XPO5: variants seen among roughly 807,000 people sequenced by gnomAD.
XPO5 encodes the protein exportin-5.
XPO5 carries 46 observed loss-of-function variants against 160.6 expected under a neutral mutation model. The ratio of observed to expected loss-of-function variants is 0.29; its 90% CI spans 0.23 to 0.37. The LOEUF (loss-of-function observed/expected upper bound fraction) is 0.37, where lower values mean the gene tolerates loss of function less well. XPO5 is among the 10% of genes least tolerant of loss of function. The pLI is 1.00. For synonymous variants in XPO5, 537 were observed against 519.3 expected, an observed-to-expected ratio of 1.03 and a Z score of -0.46; for missense variants, 1,090 against 1,463.9, an observed-to-expected ratio of 0.74 and a Z score of 4.17.
At chr6:43,566,338 G>A (rs1403655362) in intron 7 of XPO5, among the ~76,000 whole-genome samples, 2 of 152,238 alleles carry the variant, frequency 1.3e-5, no homozygotes, top group Middle Eastern at 3.4e-3. Context: ...AGGTTGCACT[G>A]AGCTGAGATT....
chr6:43,565,610 GA>G, intron 8 of XPO5, 49 bp downstream of exon 8: 2 of 1,404,374 alleles, frequency 1.4e-6, no homozygotes, highest in South Asian at 1.4e-5. Flanking sequence ...AAATAAGATA[GA>G]AAAATGACAA....
In XPO5 at chr6:43,560,243, G is replaced by A. The variant is rs756807811; in HGVS notation, c.1156C>T (p.Arg386Cys). Reference sequence around the variant, plus strand: ...ATTATTGCTAATAGCAAAGGATCACGGGACAGGATTTCATGCCTGAAGAGG... The same window carrying A: ...ATTATTGCTAATAGCAAAGGATCACAGGACAGGATTTCATGCCTGAAGAGG... ...GALFRHEILS[R>C]DPLLLAIIPK... The change falls in exon 11 of 32, where the codon CGT becomes TGT. Residue 386 changes from arginine (R) to cysteine (C), a missense_variant. Arg to Cys is a radical substitution (Grantham distance 180). This residue lies in a region of XPO5 where 810 missense variants were observed against 1,139.0 expected (regional missense o/e 0.71). Coordinates refer to ENST00000265351, the MANE Select transcript of XPO5 (RefSeq NM_020750.3). 5.4e-5 allele frequency: 87 copies of A among 1,612,376 alleles called. No individual in the cohort carries two copies. The highest frequency in any genetic ancestry group is 8.0e-5 in the African/African-American group (6 of 74,906).
At chr6:43,562,211 G>A in intron 9 of XPO5, 36 bp downstream of exon 9, 4 of 1,541,570 alleles carry the variant, frequency 2.6e-6, no homozygotes, top group Non-Finnish European at 3.5e-6. Context: ...TTCCCAAATG[G>A]GCTTGAAGCT....
In XPO5 at chr6:43,547,616, G is replaced by A. The variant is rs1795022699; in HGVS notation, c.2152C>T (p.Arg718Cys). Reference protein sequence around the residue: ...PGLEDPCGLNRARMSFCVYSI... With the variant: ...PGLEDPCGLNCARMSFCVYSI... ...TCCCAGGAAAGTCTTACTCGTGCAC[G>A]GTTTAAGCCACACGGATCCTCCAGG... The change falls in exon 19 of 32, where the codon CGT becomes TGT. Residue 718 changes from arginine to cysteine, a missense_variant. Transcript: ENST00000265351. 8 of 1,613,848 alleles carry A rather than the reference G, an allele frequency of 5.0e-6. No homozygotes were observed. Among genetic ancestry groups the A allele is most frequent in the East Asian group, 2.2e-5 (1 of 44,900 alleles).
chr6:43,541,968 TG>T (rs1373876452), intron 20 of XPO5, among the ~76,000 whole-genome samples: 2 of 151,982 alleles, frequency 1.3e-5, no homozygotes, highest in African/African-American at 4.8e-5. Flanking sequence ...TTAGTAGAGA[TG>T]GGGTTTCACC....
intron 28 of XPO5, chr6:43,525,472 A>G (rs1007202504): frequency 9.7e-6 from 5 of 514,922 alleles, no homozygotes; most frequent in Middle Eastern, 5.1e-4. Flanking sequence ...AAGCAGGAAA[A>G]ATAAAAGGAG....
chr6:43,548,748 CTA>C (rs1318463632), intron 17 of XPO5, among the ~76,000 whole-genome samples: 5 of 149,886 alleles, frequency 3.3e-5, no homozygotes, highest in East Asian at 1.9e-4. Flanking sequence ...ATATGTATAT[CTA>C]TATATATATG....
intron 9 of XPO5, chr6:43,561,334 C>T (rs1762404090): frequency 8.0e-6 from 2 of 250,332 alleles, no homozygotes; most frequent in Admixed American, 5.0e-5. Context: ...TACCTATTCA[C>T]ATCTCTGTGT....
At chr6:43,554,857 T>G (rs539217027) in intron 13 of XPO5, 1 of 151,932 alleles carries the variant, frequency 6.6e-6, no homozygotes, top group African/African-American at 2.4e-5. Context: ...CAATTGTAAA[T>G]AAAGCTGAAT....
intron 23 of XPO5, 25 bp downstream of exon 23, chr6:43,530,663 T>G: frequency 6.2e-7 from 1 of 1,609,268 alleles, no homozygotes; most frequent in Non-Finnish European, 8.5e-7. Context: ...CCTTTTGGGT[T>G]ATGTAGAGAC....
In XPO5 at chr6:43,573,555, C is replaced by A. The variant is rs774373701; in HGVS notation, c.152G>T (p.Gly51Val). 2 of 1,613,784 alleles carry A rather than the reference C, an allele frequency of 1.2e-6. No homozygotes were observed. The highest frequency in any genetic ancestry group is 1.1e-5 in the South Asian group (1 of 91,070). ...KEKCPICVPC[G>V]LRLAEKTQVA... Reference sequence around the variant, plus strand: ...TTGTGTTTTCTCAGCCAACCTCAAGCCACAGGGGACACAGATAGGACACTT... The same window carrying A: ...TTGTGTTTTCTCAGCCAACCTCAAGACACAGGGGACACAGATAGGACACTT... Residue 51 changes from glycine to valine, a missense_variant, in exon 2 of 32, where the codon GGC (glycine) becomes GTC (valine). Physicochemically the swap from Gly to Val is moderately radical, Grantham distance 109. Coordinates refer to ENST00000265351, the MANE Select transcript of XPO5 (RefSeq NM_020750.3).
chr6:43,534,115 A>G, intron 20 of XPO5, 108 bp from the exon 21 acceptor site: 1 of 754,522 alleles, frequency 1.3e-6, no homozygotes. Context: ...TCTGCCCATC[A>G]ACTCCTGGCA....
chr6:43,572,508 T>G lies in XPO5; in HGVS notation c.298A>C (p.Asn100His). The G allele has an allele frequency of 3.1e-6, 5 of 1,613,956 alleles. No homozygotes were observed. Among genetic ancestry groups the G allele is most frequent in the Non-Finnish European group, 4.2e-6 (5 of 1,179,892 alleles). The part of the protein sequence containing the change: ...LKNSVMELIA[N>H]GTLNILEEEN... ...TCTCCCAACCACCCATTCCTTACAT[T>G]TGCAATCAGCTCCATGACACTGTTC... is the stretch of plus-strand genomic sequence containing the variant. Residue 100 changes from asparagine to histidine, a missense_variant and splice_region_variant, in exon 3 of 32, where the codon AAT (asparagine) becomes CAT (histidine). By Grantham distance (68) the Asn-to-His change is moderately conservative. Around this residue, in one of 3 missense-constraint regions of XPO5, gnomAD observed 170 missense variants for 227.0 expected, o/e 0.75. Transcript: ENST00000265351.
intron 9 of XPO5, 82 bp from the exon 10 acceptor site, chr6:43,561,089 A>G (rs1191010766): frequency 1.2e-5 from 14 of 1,144,480 alleles, no homozygotes; most frequent in Non-Finnish European, 1.7e-5. Flanking sequence ...AAAAACAGAT[A>G]AATTAAACCC....
Position 43,531,797 on chromosome 6 carries a change from C to CT in XPO5, c.2444-223dup, listed in dbSNP as rs112626043. Among the ~76,000 whole-genome samples, 845 of 150,018 alleles carry CT rather than the reference C, an allele frequency of 5.6e-3. 7 individuals carry two copies. The highest frequency in any genetic ancestry group is 0.034 in the East Asian group (172 of 5,112). ...TTAGACCCGGGTACTCTTTTATCTG[C>CT]TTTTTTTTTTCCCCCAGATGGAACC... On this transcript the variant is annotated intron_variant, in intron 21 of 31. Coordinates refer to ENST00000265351, the MANE Select transcript of XPO5 (RefSeq NM_020750.3).
At chr6:43,554,978 G>A (rs1463928644) in intron 13 of XPO5, 3 of 126,206 alleles carry the variant, frequency 2.4e-5, no homozygotes, top group East Asian at 2.2e-4. Context: ...TTTTGCTCTC[G>A]TTGCCCAGGC....
At position 43,525,142 on chromosome 6, in the gene XPO5, T is replaced by C; in HGVS notation, c.3139A>G (p.Thr1047Ala). The C allele has an allele frequency of 6.3e-7, 1 of 1,582,056 alleles. No homozygotes were observed. Among genetic ancestry groups the C allele is most frequent in the East Asian group, 2.3e-5 (1 of 43,552 alleles). ...AGAGGCCAGCAGAGCTGTGAGGTTG[T>C]CCTCTGGCAGGACAGAGTATCTTTC... Reference protein sequence around the residue: ...AWKDTLSCQRTTSQLCWPLLK... With the variant: ...AWKDTLSCQRATSQLCWPLLK... The change falls in exon 29 of 32, where the codon ACA becomes GCA. Residue 1047 changes from threonine (T) to alanine (A), a missense_variant. Physicochemically the swap from Thr to Ala is moderately conservative, Grantham distance 58 (BLOSUM62 0). Around this residue, in one of 3 missense-constraint regions of XPO5, gnomAD observed 810 missense variants for 1,139.0 expected, o/e 0.71. Coordinates refer to ENST00000265351, the MANE Select transcript of XPO5 (RefSeq NM_020750.3).
chr6:43,556,145 A>G, intron 12 of XPO5, 181 bp from the exon 13 acceptor site: 1 of 747,532 alleles, frequency 1.3e-6, no homozygotes, highest in Non-Finnish European at 2.0e-6. Context: ...AAGTTTTTGA[A>G]AATAAATGAT....
At chr6:43,535,000 AACCCCC>A (rs1794227222) in intron 20 of XPO5, among the ~76,000 whole-genome samples, 1 of 150,940 alleles carries the variant, frequency 6.6e-6, no homozygotes, top group African/African-American at 2.5e-5. Context: ...ATCTCAAAAA[AACCCCC>A]CAAAGGCCAG....
Sources: allele counts gnomAD v4.1 joint callset (sites outside exome capture counted in the v4.1 genomes callset), GRCh38; gene constraint gnomAD v4.1.1; regional missense constraint gnomAD v4.1.1; transcripts MANE v1.5; gene names NCBI Gene and HGNC (gene_info 2026-07-23, HGNC 2026-07-21).